Variants in ZNF599 observed in about 807,000 individuals in gnomAD.
ZNF599 encodes the protein zinc finger protein 599.
A neutral mutation model predicts 11.7 loss-of-function variants in ZNF599; 10 were observed. The observed-to-expected ratio is 0.86, with a 90% CI of 0.53 to 1.45. The LOEUF (loss-of-function observed/expected upper bound fraction) is 1.45, where lower values mean the gene tolerates loss of function less well. Ranked by LOEUF, ZNF599 falls within the 40% of genes most tolerant of loss-of-function variation. ZNF599 has a pLI of 0.00. For missense variants in ZNF599, 688 were observed against 713.6 expected, an observed-to-expected ratio of 0.96 and a Z score of 0.41; for synonymous variants, 232 against 253.2, an observed-to-expected ratio of 0.92 and a Z score of 0.79.
At position 34,773,008 on chromosome 19, in the gene ZNF599, G is replaced by C. The variant is rs2069195418; in HGVS notation, c.-167C>G. The C allele has an allele frequency of 3.8e-6, 3 of 792,516 alleles. No homozygotes were observed. In the African/African-American group the frequency reaches 5.6e-5, roughly 15 times the overall value. 49.1% of individuals were successfully genotyped at this position (792,516 alleles called of 1,614,324 possible). On this transcript the variant is annotated 5_prime_UTR_variant, in exon 1 of 4. Coordinates refer to ENST00000329285, the MANE Select transcript of ZNF599 (RefSeq NM_001007248.3). ...CGCCTCTGCGCGCCGTGAGGACACA[G>C]GGCTGTCGCCAAGGCCCCAGGAAGG...
the ZNF599 span, among the ~76,000 whole-genome samples, chr19:34,793,377 C>T: frequency 1.3e-5 from 2 of 152,040 alleles, no homozygotes; most frequent in Non-Finnish European, 1.5e-5. Flanking sequence ...TGGAACAGGG[C>T]CTGGCATAGG....
intron 3 of ZNF599, chr19:34,764,835 T>TATAAAACTTTATAGAA (rs1425310637): frequency 2.0e-5 from 3 of 152,178 alleles, no homozygotes; most frequent in Admixed American, 6.5e-5. Flanking sequence ...CTTGTACATA[T>TATAAAACTTTATAGAA]ATAAAACTTT....
chr19:34,781,511 C>T, the ZNF599 span, among the ~76,000 whole-genome samples: 1 of 152,100 alleles, frequency 6.6e-6, no homozygotes, highest in African/African-American at 2.4e-5. Flanking sequence ...AATGTCTGAC[C>T]CAGGAATGAG....
chr19:34,785,966 G>A, the ZNF599 span, among the ~76,000 whole-genome samples: 3 of 152,146 alleles, frequency 2.0e-5, no homozygotes, highest in Non-Finnish European at 4.4e-5. Context: ...ATACACGTAA[G>A]GCCCAAGATA....
chr19:34,759,607 A>C lies in ZNF599; in HGVS notation c.1194T>G (p.Gly398=). 1 of 1,606,512 alleles carries C rather than the reference A, an allele frequency of 6.2e-7. No homozygotes were observed. The highest frequency in any genetic ancestry group is 8.5e-7 in the Non-Finnish European group (1 of 1,177,508). ...GATGAGTAAAGGCCTTTCCACATTC[A>C]CCGCACTCATAGGGTTTCTCTCCAG... The part of the protein sequence containing the change: ...IHTGEKPYEC[G]ECGKAFTHRS... Residue 398 remains glycine (G), a synonymous_variant, in exon 4 of 4, where the codon GGT becomes GGG. Transcript: ENST00000329285.
the ZNF599 span, chr19:34,788,694 T>C: frequency 6.6e-6 from 1 of 152,314 alleles, no homozygotes; most frequent in African/African-American, 2.4e-5. Flanking sequence ...AAAAAAATAC[T>C]CATTATCTGT....
chr19:34,767,557 T>C (rs182359981), intron 2 of ZNF599, 146 bp from the exon 3 acceptor site: 25 of 573,466 alleles, frequency 4.4e-5, no homozygotes, highest in Middle Eastern at 3.1e-4. Flanking sequence ...ATTCCCTAAT[T>C]AACCTAAGTC....
upstream of ZNF599, among the ~76,000 whole-genome samples, chr19:34,777,058 C>T (rs1428726014): frequency 6.6e-6 from 1 of 151,180 alleles, no homozygotes; most frequent in Non-Finnish European, 1.5e-5. Context: ...TCAATTTGGT[C>T]CAATGTCTGA....
chr19:34,758,819 AATCTT>A lies in ZNF599; in HGVS notation c.*210_*214del. 1.8e-6 allele frequency: 1 copy of A among 553,618 alleles called. No individual in the cohort carries two copies. Among genetic ancestry groups the A allele is most frequent in the Non-Finnish European group, 3.1e-6 (1 of 318,144 alleles). 34.3% of individuals were successfully genotyped at this position (553,618 alleles called of 1,614,324 possible). A position where few individuals can be genotyped will look rare whatever the true frequency, so the allele number is the denominator to read the frequency against. Reference sequence around the variant, plus strand: ...ACAGTGTAAGGCTCTAAACTGGGTGAATCTTTAATATAATTCTTTGGATGACAAGT... The same window carrying A: ...ACAGTGTAAGGCTCTAAACTGGGTGATAATATAATTCTTTGGATGACAAGT... On this transcript the variant is annotated 3_prime_UTR_variant, in exon 4 of 4. Transcript: ENST00000329285.
rs1404098397 is a variant in ZNF599 at position 34,758,081 on chromosome 19, TTAAAA to T, written c.*948_*952del. 2.0e-5 allele frequency: 3 copies of T among 152,040 alleles called. No homozygotes were observed. The highest frequency in any genetic ancestry group is 4.4e-5 in the Non-Finnish European group (3 of 67,998). The allele number at this position is 152,040 out of a possible 1,614,324, so 9.4% of individuals were successfully genotyped here. A position where few individuals can be genotyped will look rare whatever the true frequency, so the allele number is the denominator to read the frequency against. ...AGTACATTACACAAACATGCTATAA[TTAAAA>T]TATTTTTATTATAAAGAATAATTAT... On this transcript the variant is annotated 3_prime_UTR_variant, in exon 4 of 4. Coordinates refer to ENST00000329285, the MANE Select transcript of ZNF599 (RefSeq NM_001007248.3).
the ZNF599 span, among the ~76,000 whole-genome samples, chr19:34,792,723 C>T: frequency 2.1e-4 from 32 of 151,870 alleles, no homozygotes; most frequent in Non-Finnish European, 1.0e-4. Context: ...ATTAGCTGGG[C>T]GTGGTGGCGG....
At chr19:34,791,714 G>T in the ZNF599 span, 1 of 152,192 alleles carries the variant, frequency 6.6e-6, no homozygotes, top group Admixed American at 6.5e-5. Flanking sequence ...TGGATCCCAA[G>T]TCCCCAGGGA....
chr19:34,782,105 C>T, the ZNF599 span, among the ~76,000 whole-genome samples: 1 of 152,208 alleles, frequency 6.6e-6, no homozygotes, highest in African/African-American at 2.4e-5. Context: ...CTTCCCAAGG[C>T]CAAGGCCCCT....
At chr19:34,801,015 C>T in the ZNF599 span, among the ~76,000 whole-genome samples, 43 of 152,234 alleles carry the variant, frequency 2.8e-4, no homozygotes, top group African/African-American at 1.0e-3. Context: ...TTATTTTGAC[C>T]CAATGTGTTT....
chr19:34,766,403 C>G (rs1416594667), intron 3 of ZNF599, among the ~76,000 whole-genome samples: 1 of 152,092 alleles, frequency 6.6e-6, no homozygotes, highest in East Asian at 1.9e-4. Flanking sequence ...AAATGACGGG[C>G]TGGAGAAGGT....
At chr19:34,784,717 C>A in the ZNF599 span, among the ~76,000 whole-genome samples, 7 of 151,962 alleles carry the variant, frequency 4.6e-5, no homozygotes, top group Non-Finnish European at 8.8e-5. Context: ...ATTCCACCTC[C>A]ATTCTGGCTA....
At chr19:34,793,804 T>G in the ZNF599 span, among the ~76,000 whole-genome samples, 399 of 152,324 alleles carry the variant, frequency 2.6e-3, 2 homozygotes, top group African/African-American at 9.3e-3. Context: ...GCTAGCTATA[T>G]TTATGGCTAT....
At chr19:34,777,774 C>CA (rs920541259), upstream of ZNF599, among the ~76,000 whole-genome samples, 1 of 151,012 alleles carries the variant, frequency 6.6e-6, no homozygotes, top group African/African-American at 2.4e-5. Flanking sequence ...CAAAAAAAGT[C>CA]AAACTCATAG....
At chr19:34,760,838 A>C (rs1465217902) in intron 3 of ZNF599, among the ~76,000 whole-genome samples, 3 of 152,112 alleles carry the variant, frequency 2.0e-5, no homozygotes, top group Non-Finnish European at 4.4e-5. Flanking sequence ...GCAGACTAAT[A>C]ATTACAATGT....
Sources: gnomAD v4.1 joint callset for allele counts (sites outside exome capture counted in the v4.1 genomes callset) on GRCh38, gnomAD v4.1.1 for gene constraint, MANE v1.5 for transcripts, NCBI Gene and HGNC (gene_info 2026-07-23, HGNC 2026-07-21) for gene names.